The following SPIDR variants were observed in gnomAD, a reference collection of about 807,000 sequenced individuals.
The protein encoded by SPIDR is scaffold protein involved in DNA repair, also known as DNA repair-scaffolding protein.
A neutral mutation model predicts 104.6 loss-of-function variants in SPIDR; 93 were observed. The observed-to-expected ratio is 0.89, with a 90% CI of 0.75 to 1.06. SPIDR has a LOEUF of 1.06. SPIDR is among the 50% of genes least tolerant of loss of function. The probability of loss-of-function intolerance (pLI) is 0.00; values close to 1 mark genes in which losing one functional copy is unlikely to be tolerated. For synonymous variants in SPIDR, 431 were observed against 416.9 expected, an observed-to-expected ratio of 1.03 and a Z score of -0.41; for missense variants, 1,154 against 1,111.2, an observed-to-expected ratio of 1.04 and a Z score of -0.55.
At chr8:47,469,891 T>C (rs1023838284) in intron 8 of SPIDR, among the ~76,000 whole-genome samples, 1 of 152,136 alleles carries the variant, frequency 6.6e-6, no homozygotes, top group Non-Finnish European at 1.5e-5. Flanking sequence ...CTACAAAACA[T>C]TGCTGAAATA....
intron 11 of SPIDR, among the ~76,000 whole-genome samples, chr8:47,690,087 A>T (rs1306284476): frequency 1.3e-5 from 2 of 151,866 alleles, no homozygotes; most frequent in African/African-American, 4.8e-5. Flanking sequence ...TCTATAAGAG[A>T]TATGGGCTGA....
At chr8:47,367,735 C>A (rs184181019) in intron 5 of SPIDR, among the ~76,000 whole-genome samples, 109 of 152,194 alleles carry the variant, frequency 7.2e-4, no homozygotes, top group African/African-American at 2.3e-3. Context: ...GTCCATAACC[C>A]GCCCAAGTCT....
At position 47,653,461 on chromosome 8, in the gene SPIDR, CA is replaced by C. The variant is rs539144312; in HGVS notation, c.1545-20339del. Among the ~76,000 whole-genome samples the C allele has an allele frequency of 9.2e-5, 14 of 152,250 alleles. No individual in the cohort carries two copies. The East Asian group carries it at 2.3e-3, about 25-fold the overall frequency. ...TGCTGAGCTGATGGCACATTTTGAG[CA>C]GTAAACTTTCTTAGTGTAGATCCCT... On this transcript the variant is annotated intron_variant, in intron 10 of 19. Transcript: ENST00000297423.
chr8:47,381,991 T>A (rs2059383697), intron 5 of SPIDR, among the ~76,000 whole-genome samples: 1 of 152,254 alleles, frequency 6.6e-6, no homozygotes, highest in Non-Finnish European at 1.5e-5. Flanking sequence ...TGATAATTTA[T>A]TAGTGATATT....
chr8:47,516,660 A>G (rs1249844174), intron 8 of SPIDR, among the ~76,000 whole-genome samples: 1 of 151,972 alleles, frequency 6.6e-6, no homozygotes, highest in Non-Finnish European at 1.5e-5. Context: ...CATTTTTTTT[A>G]TCCATTCATC....
intron 8 of SPIDR, among the ~76,000 whole-genome samples, chr8:47,533,549 A>G (rs777989439): frequency 3.3e-5 from 5 of 152,230 alleles, no homozygotes; most frequent in African/African-American, 4.8e-5. Context: ...TCCAGCATCT[A>G]TAAGGAACTT....
At chr8:47,498,134 G>A (rs868480777) in intron 8 of SPIDR, among the ~76,000 whole-genome samples, 8 of 152,126 alleles carry the variant, frequency 5.3e-5, no homozygotes, top group Non-Finnish European at 8.8e-5. Flanking sequence ...GAAAAAGACC[G>A]ATGTGTGTTT....
chr8:47,715,674 T>C (rs2082473596), intron 16 of SPIDR, among the ~76,000 whole-genome samples: 3 of 152,234 alleles, frequency 2.0e-5, no homozygotes, highest in Admixed American at 2.0e-4. Context: ...TGTGTATTTC[T>C]TTTATGGCAT....
chr8:47,444,512 C>T (rs191944636), intron 8 of SPIDR, among the ~76,000 whole-genome samples: 5 of 152,300 alleles, frequency 3.3e-5, no homozygotes, highest in East Asian at 1.9e-4. Flanking sequence ...CCATTCATAT[C>T]GTCATCTTTT....
At chr8:47,304,211 C>T (rs1554580169) in intron 5 of SPIDR, among the ~76,000 whole-genome samples, 6 of 152,214 alleles carry the variant, frequency 3.9e-5, no homozygotes, top group African/African-American at 7.2e-5. Flanking sequence ...TCTGTGTCCC[C>T]GCCCAAATCT....
At chr8:47,325,968 CTT>C (rs1446538442) in intron 5 of SPIDR, among the ~76,000 whole-genome samples, 14 of 152,134 alleles carry the variant, frequency 9.2e-5, no homozygotes, top group African/African-American at 3.1e-4. Flanking sequence ...CCATCTCTAT[CTT>C]TTTCCAAAAT....
intron 8 of SPIDR, among the ~76,000 whole-genome samples, chr8:47,498,251 T>A (rs2079773266): frequency 6.6e-6 from 1 of 152,160 alleles, no homozygotes; most frequent in African/African-American, 2.4e-5. Flanking sequence ...GGCCAGTTGA[T>A]CTAAAAGTTC....
intron 10 of SPIDR, among the ~76,000 whole-genome samples, chr8:47,603,170 A>C (rs1199354421): frequency 6.7e-6 from 1 of 150,140 alleles, no homozygotes; most frequent in Non-Finnish European, 1.5e-5. Flanking sequence ...TTTTTTTAAC[A>C]GAAAGGGAGC....
At chr8:47,389,517 G>A (rs924764798) in intron 5 of SPIDR, among the ~76,000 whole-genome samples, 3 of 151,640 alleles carry the variant, frequency 2.0e-5, no homozygotes, top group Admixed American at 6.6e-5. Flanking sequence ...GTGAAACCCC[G>A]TCTGTACTAA....
chr8:47,589,546 A>G (rs1349602736), intron 8 of SPIDR, among the ~76,000 whole-genome samples: 1 of 151,970 alleles, frequency 6.6e-6, no homozygotes, highest in African/African-American at 2.4e-5. Flanking sequence ...AAAAAATTAC[A>G]TATTTATTTT....
At position 47,700,556 on chromosome 8, in the gene SPIDR, G is replaced by A. The variant is rs184811552; in HGVS notation, c.1773+66G>A. The A allele has an allele frequency of 3.4e-4, 495 of 1,467,690 alleles. 4 individuals are homozygous for A. The East Asian group carries it at 9.3e-3, about 28-fold the overall frequency. 90.9% of individuals were successfully genotyped at this position (1,467,690 alleles called of 1,614,324 possible). On this transcript the variant is annotated intron_variant, in intron 12 of 19. Coordinates refer to ENST00000297423, the MANE Select transcript of SPIDR (RefSeq NM_001080394.4). ...CTCCATGCCAGGTGCCAAGCCAGGCGTCATCACTGTCACTCACATGGTCTG... is the reference window on the plus strand; with the variant it reads ...CTCCATGCCAGGTGCCAAGCCAGGCATCATCACTGTCACTCACATGGTCTG...
intron 16 of SPIDR, among the ~76,000 whole-genome samples, chr8:47,717,043 C>T (rs1306180736): frequency 1.3e-5 from 2 of 152,138 alleles, no homozygotes; most frequent in East Asian, 1.9e-4. Context: ...CGTGAGCCAG[C>T]GTGGAGCTGC....
chr8:47,362,211 A>G (rs1554630604), intron 5 of SPIDR, among the ~76,000 whole-genome samples: 1 of 152,242 alleles, frequency 6.6e-6, no homozygotes, highest in African/African-American at 2.4e-5. Context: ...ATGGTGCCAC[A>G]GCCTGAGAGA....
chr8:47,485,110 G>A (rs1554730019), intron 8 of SPIDR, among the ~76,000 whole-genome samples: 1 of 152,232 alleles, frequency 6.6e-6, no homozygotes, highest in East Asian at 1.9e-4. Flanking sequence ...AAGGGAAGCT[G>A]TGATAGACGA....
Sources: gnomAD v4.1 joint callset for allele counts (sites outside exome capture counted in the v4.1 genomes callset) on GRCh38, gnomAD v4.1.1 for gene constraint, MANE v1.5 for transcripts, NCBI Gene and HGNC (gene_info 2026-07-23, HGNC 2026-07-21) for gene names.